The following SLC9A4 variants were observed in gnomAD, a reference collection of about 807,000 sequenced individuals.
SLC9A4 encodes the protein sodium/hydrogen exchanger 4.
A neutral mutation model predicts 67.4 loss-of-function variants in SLC9A4; 63 were observed. The observed-to-expected ratio is 0.93, with a 90% CI of 0.76 to 1.15. SLC9A4 has a LOEUF of 1.15. Ranked by LOEUF, SLC9A4 falls within the 50% of genes most tolerant of loss-of-function variation. The probability of loss-of-function intolerance (pLI) is 0.00; values close to 1 mark genes in which losing one functional copy is unlikely to be tolerated. For missense variants in SLC9A4, 1,089 were observed against 987.7 expected (o/e 1.10, Z -1.38); for synonymous variants, 393 against 367.2 (o/e 1.07, Z -0.80).
At chr2:102,478,760 C>A (rs2104412589) in intron 1 of SLC9A4, 79 bp from the exon 2 acceptor site, 2 of 1,410,728 alleles carry the variant, frequency 1.4e-6, no homozygotes, top group Non-Finnish European at 1.9e-6. Context: ...ACGGTCCTGT[C>A]TGCTTGACTT....
At chr2:102,476,207 C>T (rs1684329010) in intron 1 of SLC9A4, among the ~76,000 whole-genome samples, 1 of 152,208 alleles carries the variant, frequency 6.6e-6, no homozygotes, top group African/African-American at 2.4e-5. Flanking sequence ...CCACCTCAGA[C>T]TTTGTGGTTT....
intron 2 of SLC9A4, among the ~76,000 whole-genome samples, chr2:102,502,802 C>T (rs749121184): frequency 1.1e-4 from 17 of 152,356 alleles, no homozygotes; most frequent in East Asian, 7.7e-4. Flanking sequence ...CATGGGAGGA[C>T]GGGGAGAAGG....
At chr2:102,493,471 A>G (rs1008152738) in intron 2 of SLC9A4, among the ~76,000 whole-genome samples, 2 of 151,894 alleles carry the variant, frequency 1.3e-5, no homozygotes, top group African/African-American at 2.4e-5. Flanking sequence ...CAGGCAAGAG[A>G]GCATGTACAG....
At chr2:102,500,413 T>C (rs954135449) in intron 2 of SLC9A4, among the ~76,000 whole-genome samples, 2 of 152,190 alleles carry the variant, frequency 1.3e-5, no homozygotes, top group Non-Finnish European at 2.9e-5. Flanking sequence ...ACCTAGCTTG[T>C]GGTACTTTGT....
At chr2:102,478,790 C>G (rs748420157) in intron 1 of SLC9A4, 49 bp from the exon 2 acceptor site, 84 of 1,571,860 alleles carry the variant, frequency 5.3e-5, no homozygotes, top group Non-Finnish European at 6.1e-5. Flanking sequence ...TCAGGTACAC[C>G]CAGACCGTTT....
At chr2:102,513,966 G>A (rs749192543) in intron 7 of SLC9A4, 124 bp from the exon 8 acceptor site, 12 of 1,289,900 alleles carry the variant, frequency 9.3e-6, no homozygotes, top group South Asian at 5.5e-5. Context: ...TGAATTCCAG[G>A]CACTGTCCTG....
At chr2:102,510,212 T>C (rs58839455) in intron 6 of SLC9A4, among the ~76,000 whole-genome samples, 6 of 66,504 alleles carry the variant, frequency 9.0e-5, no homozygotes, top group Non-Finnish European at 1.4e-4. Context: ...GATATAGATA[T>C]AGATACAGAT....
chr2:102,516,979 C>T (rs1289816092), intron 8 of SLC9A4, among the ~76,000 whole-genome samples: 1 of 151,982 alleles, frequency 6.6e-6, no homozygotes, highest in African/African-American at 2.4e-5. Flanking sequence ...TCAAAAGAGG[C>T]CTAAAGTAAC....
In SLC9A4 at chr2:102,525,073, A is replaced by G; in HGVS notation, c.1868A>G (p.Gln623Arg). Residue 623 changes from glutamine to arginine, a missense_variant, in exon 10 of 12, where the codon CAG becomes CGG. By Grantham distance (43) the Gln-to-Arg change is conservative. Transcript: ENST00000295269. ...YNLKPQTSEK[Q>R]AKEILIRRQN... is the part of the protein sequence containing the mutation. ...CTCAAACCCCAAACAAGTGAGAAGC[A>G]GGCTAAAGAGATTCTGATCCGCCGC... 1.2e-6 allele frequency: 2 copies of G among 1,614,104 alleles called. No individual in the cohort carries two copies. The highest frequency in any genetic ancestry group is 1.7e-6 in the Non-Finnish European group (2 of 1,179,980).
chr2:102,516,124 A>G (rs950517038), intron 8 of SLC9A4, among the ~76,000 whole-genome samples: 6 of 152,194 alleles, frequency 3.9e-5, no homozygotes, highest in African/African-American at 1.2e-4. Context: ...ATCAGTCATA[A>G]GCATTTGCCT....
intron 9 of SLC9A4, among the ~76,000 whole-genome samples, chr2:102,522,368 T>C (rs987576860): frequency 1.3e-5 from 2 of 152,018 alleles, no homozygotes; most frequent in African/African-American, 4.8e-5. Context: ...CAAGGTCCAG[T>C]GGGAAATGCA....
intron 9 of SLC9A4, 147 bp downstream of exon 9, chr2:102,520,102 TG>T: frequency 1.6e-6 from 1 of 643,532 alleles, no homozygotes; most frequent in Middle Eastern, 4.4e-4. Context: ...CTGCTTAGTT[TG>T]GAGAATAGAA....
Position 102,478,825 on chromosome 2 carries a change from TCG to T in SLC9A4, c.257-12_257-11del, listed in dbSNP as rs1194556364. The T allele has an allele frequency of 6.2e-7, 1 of 1,611,078 alleles. No homozygotes were observed. Among genetic ancestry groups the T allele is most frequent in the South Asian group, 1.1e-5 (1 of 90,722 alleles). ...TCGTTTGCAAGCACCTAACTGCTCT[TCG>T]CTGTTCTGCAGGCTTCCACCTCTAC... On this transcript the variant is annotated splice_polypyrimidine_tract_variant and intron_variant, in intron 1 of 11. Coordinates refer to ENST00000295269, the MANE Select transcript of SLC9A4 (RefSeq NM_001011552.4).
intron 2 of SLC9A4, among the ~76,000 whole-genome samples, chr2:102,491,244 A>G (rs1684691060): frequency 7.1e-6 from 1 of 141,744 alleles, no homozygotes; most frequent in Non-Finnish European, 1.5e-5. Flanking sequence ...TCAGGGATGC[A>G]TTTGGTCGCT....
intron 7 of SLC9A4, among the ~76,000 whole-genome samples, chr2:102,513,200 T>G (rs1366373125): frequency 6.6e-6 from 1 of 152,070 alleles, no homozygotes; most frequent in African/African-American, 2.4e-5. Flanking sequence ...TCGACCCAGT[T>G]GGAATAAGAG....
intron 2 of SLC9A4, among the ~76,000 whole-genome samples, chr2:102,494,413 G>T (rs1022517625): frequency 6.7e-6 from 1 of 149,132 alleles, no homozygotes; most frequent in Admixed American, 6.6e-5. Flanking sequence ...AATGCAGGAA[G>T]AGACAATAAA....
At chr2:102,504,745 G>A (rs1045699487) in intron 3 of SLC9A4, among the ~76,000 whole-genome samples, 2 of 152,154 alleles carry the variant, frequency 1.3e-5, no homozygotes, top group African/African-American at 2.4e-5. Context: ...GACAAGGCAA[G>A]TTTCTTTCTC....
At chr2:102,498,745 A>T (rs1400064682) in intron 2 of SLC9A4, among the ~76,000 whole-genome samples, 1 of 152,254 alleles carries the variant, frequency 6.6e-6, no homozygotes, top group East Asian at 1.9e-4. Context: ...TCAAAATCAT[A>T]TGTCACATTT....
At chr2:102,476,197 C>A (rs1463883757) in intron 1 of SLC9A4, among the ~76,000 whole-genome samples, 1 of 152,194 alleles carries the variant, frequency 6.6e-6, no homozygotes, top group Non-Finnish European at 1.5e-5. Flanking sequence ...TAATACAAAG[C>A]CACCTCAGAC....
Sources: gnomAD v4.1 joint callset for allele counts (sites outside exome capture counted in the v4.1 genomes callset) on GRCh38, gnomAD v4.1.1 for gene constraint, MANE v1.5 for transcripts, NCBI Gene and HGNC (gene_info 2026-07-23, HGNC 2026-07-21) for gene names.